Variants in TANC1 observed in about 807,000 individuals in gnomAD.
The protein encoded by TANC1 is protein TANC1.
Under a neutral mutation model 149.7 loss-of-function variants are expected in TANC1, and 77 were observed. The observed-to-expected ratio is 0.51, with a 90% CI of 0.43 to 0.62. TANC1 has a LOEUF of 0.62. TANC1 is among the 20% of genes least tolerant of loss of function. The pLI is 0.00. For synonymous variants in TANC1, 854 were observed against 925.0 expected (o/e 0.92, Z 1.39); for missense variants, 1,985 against 2,321.8 (o/e 0.85, Z 2.98).
intron 2 of TANC1, among the ~76,000 whole-genome samples, chr2:159,011,251 T>C (rs1420836249): frequency 6.6e-6 from 1 of 152,196 alleles, no homozygotes; most frequent in East Asian, 1.9e-4. Flanking sequence ...AAAAAGTCAT[T>C]GTTTTGGGTA....
chr2:159,149,381 G>A (rs773378499), intron 6 of TANC1, 109 bp downstream of exon 6: 3 of 1,488,724 alleles, frequency 2.0e-6, no homozygotes, highest in Non-Finnish European at 2.8e-6. Flanking sequence ...AGTTAAATGA[G>A]TTCTGGGCTG....
intron 1 of TANC1, among the ~76,000 whole-genome samples, chr2:158,975,224 A>T (rs1315484953): frequency 6.6e-6 from 1 of 151,748 alleles, no homozygotes; most frequent in Non-Finnish European, 1.5e-5. Context: ...TTACTAGAAT[A>T]TTTTTTGAAT....
chr2:159,044,539 C>G (rs751178983), intron 2 of TANC1, among the ~76,000 whole-genome samples: 2 of 152,006 alleles, frequency 1.3e-5, no homozygotes, highest in African/African-American at 4.8e-5. Flanking sequence ...TGCCTAGCAT[C>G]TAGTAGGACT....
At chr2:159,116,597 A>G (rs973404207) in intron 4 of TANC1, among the ~76,000 whole-genome samples, 4 of 152,208 alleles carry the variant, frequency 2.6e-5, no homozygotes, top group Non-Finnish European at 4.4e-5. Context: ...TGTTGCGACT[A>G]TGTAACTCTG....
At chr2:159,192,245 A>G (rs1185809084) in intron 16 of TANC1, among the ~76,000 whole-genome samples, 1 of 152,190 alleles carries the variant, frequency 6.6e-6, no homozygotes, top group Non-Finnish European at 1.5e-5. Flanking sequence ...TTAGGAACAC[A>G]TCCCTATAAA....
intron 4 of TANC1, among the ~76,000 whole-genome samples, chr2:159,109,208 G>C (rs1426161180): frequency 6.6e-6 from 1 of 152,176 alleles, no homozygotes; most frequent in Non-Finnish European, 1.5e-5. Context: ...GTCTGCCCCA[G>C]TCATGAGTGT....
At chr2:159,115,286 G>T (rs16843713) in intron 4 of TANC1, among the ~76,000 whole-genome samples, 1 of 152,038 alleles carries the variant, frequency 6.6e-6, no homozygotes, top group Non-Finnish European at 1.5e-5. Context: ...GCAGAAGAGG[G>T]ATGAAATAAA....
intron 2 of TANC1, among the ~76,000 whole-genome samples, chr2:159,019,519 G>A (rs966791182): frequency 3.3e-5 from 5 of 152,092 alleles, no homozygotes. Flanking sequence ...CTTTGCTCTG[G>A]AGGTTTCAGG....
intron 1 of TANC1, among the ~76,000 whole-genome samples, chr2:158,997,329 C>T (rs1405635839): frequency 6.6e-6 from 1 of 152,174 alleles, no homozygotes; most frequent in Non-Finnish European, 1.5e-5. Flanking sequence ...AAAGCTAGAA[C>T]GAACCTTGTG....
Position 159,083,060 on chromosome 2 carries a change from T to C in TANC1, c.62-14577T>C, listed in dbSNP as rs555170434. Among the ~76,000 whole-genome samples, 5 of 152,256 alleles carry C rather than the reference T, an allele frequency of 3.3e-5. No homozygotes were observed. In the East Asian group the frequency reaches 9.7e-4, roughly 29 times the overall value. On this transcript the variant is annotated intron_variant, in intron 3 of 26. Coordinates refer to ENST00000263635, the MANE Select transcript of TANC1 (RefSeq NM_033394.3). ...ACCTGGGTTCAAGTGATTCTCCTGC[T>C]TCATCTTCCTGAGTAGCTGGGACTA...
At chr2:159,008,762 AAAATTCAGCGAT>A (rs1265138711) in intron 2 of TANC1, among the ~76,000 whole-genome samples, 1 of 152,186 alleles carries the variant, frequency 6.6e-6, no homozygotes, top group African/African-American at 2.4e-5. Flanking sequence ...GTCTTAGTAC[AAAATTCAGCGAT>A]AAATTCTTTA....
At position 159,155,876 on chromosome 2, in the gene TANC1, C is replaced by A. The variant is rs533764777; in HGVS notation, c.682+5320C>A. Among the ~76,000 whole-genome samples, 3 of 152,088 alleles carry A rather than the reference C, an allele frequency of 2.0e-5. No homozygotes were observed. The East Asian group carries it at 5.8e-4, about 29-fold the overall frequency. ...AGTTTGATAATATTTATTTTTCTGCCTAGTTGCTTAGGATGTTTAAAAAAA... is the reference window on the plus strand; with the variant it reads ...AGTTTGATAATATTTATTTTTCTGCATAGTTGCTTAGGATGTTTAAAAAAA... On this transcript the variant is annotated intron_variant, in intron 7 of 26. Coordinates refer to ENST00000263635, the MANE Select transcript of TANC1 (RefSeq NM_033394.3).
intron 8 of TANC1, among the ~76,000 whole-genome samples, chr2:159,165,037 A>T (rs909107867): frequency 6.6e-6 from 1 of 152,246 alleles, no homozygotes; most frequent in African/African-American, 2.4e-5. Context: ...TGAATGGGTC[A>T]TTTGTATTAT....
At chr2:159,107,492 T>C (rs927033391) in intron 4 of TANC1, among the ~76,000 whole-genome samples, 2 of 152,244 alleles carry the variant, frequency 1.3e-5, no homozygotes, top group African/African-American at 4.8e-5. Context: ...CATTTAGTCC[T>C]GTGATCCATT....
chr2:159,095,025 A>G (rs1054025793), intron 3 of TANC1, among the ~76,000 whole-genome samples: 9 of 148,538 alleles, frequency 6.1e-5, no homozygotes, highest in African/African-American at 2.0e-4. Flanking sequence ...GGCTCACTGC[A>G]ACCTCTGCTT....
At chr2:159,134,750 T>C (rs954271670) in intron 4 of TANC1, among the ~76,000 whole-genome samples, 2 of 152,096 alleles carry the variant, frequency 1.3e-5, no homozygotes, top group African/African-American at 2.4e-5. Context: ...TCCAATGTGC[T>C]GGGATTACAG....
chr2:159,161,889 A>G (rs2054081080), intron 7 of TANC1, among the ~76,000 whole-genome samples: 2 of 152,256 alleles, frequency 1.3e-5, no homozygotes, highest in Admixed American at 1.3e-4. Flanking sequence ...TTGCTCATTC[A>G]TTCAATTAGC....
chr2:159,154,101 T>C (rs1422707671), intron 7 of TANC1, among the ~76,000 whole-genome samples: 2 of 152,194 alleles, frequency 1.3e-5, no homozygotes, highest in Non-Finnish European at 2.9e-5. Context: ...GGGTTTGGAA[T>C]GGCAGAGGCT....
chr2:159,011,702 A>G lies in TANC1; in HGVS notation c.-16+10513A>G, dbSNP rs914468178. ...AGGTGCACACCACCATGCCTGGTCA[A>G]ATTGCACCTTTTTAAGATGATAGAA... On this transcript the variant is annotated intron_variant, in intron 2 of 26. Coordinates refer to ENST00000263635, the MANE Select transcript of TANC1 (RefSeq NM_033394.3). 2.6e-5 allele frequency among the ~76,000 whole-genome samples: 4 copies of G among 152,224 alleles called. No individual in the cohort carries two copies. In the East Asian group the frequency reaches 7.7e-4, roughly 29 times the overall value.
Sources: allele counts gnomAD v4.1 joint callset (sites outside exome capture counted in the v4.1 genomes callset), GRCh38; gene constraint gnomAD v4.1.1; transcripts MANE v1.5; gene names NCBI Gene and HGNC (gene_info 2026-07-23, HGNC 2026-07-21).